The following LCORL variants were observed in gnomAD, a reference collection of about 807,000 sequenced individuals.
The protein encoded by LCORL is ligand-dependent nuclear receptor corepressor-like protein.
Under a neutral mutation model 141.8 loss-of-function variants are expected in LCORL, and 41 were observed. The observed-to-expected ratio is 0.29, with a 90% CI of 0.23 to 0.38. The LOEUF (loss-of-function observed/expected upper bound fraction) is 0.38. Ranked by LOEUF, LCORL falls within the 10% of genes least tolerant of loss-of-function variation. LCORL has a pLI of 1.00. For missense variants in LCORL, 1,759 were observed against 2,035.0 expected, an observed-to-expected ratio of 0.86 and a Z score of 2.61; for synonymous variants, 618 against 694.1, an observed-to-expected ratio of 0.89 and a Z score of 1.72.
intron 5 of LCORL, among the ~76,000 whole-genome samples, chr4:17,887,909 C>T (rs1728517229): frequency 6.6e-6 from 1 of 152,016 alleles, no homozygotes; most frequent in African/African-American, 2.4e-5. Context: ...CCTCCTGACC[C>T]CCGCCTCACC....
Position 17,995,205 on chromosome 4 carries a change from A to ATT in LCORL, c.155-22322_155-22321dup, listed in dbSNP as rs10602340. ...GGTAACCACTACCTTTCTTTTAAGC[A>ATT]TTTTTTTTTTTTTTTTACTATTCTG... On this transcript the variant is annotated intron_variant, in intron 1 of 7. Transcript: ENST00000635767. Among the ~76,000 whole-genome samples, 378 of 134,632 alleles carry ATT rather than the reference A, an allele frequency of 2.8e-3. 3 individuals are homozygous for ATT. The highest frequency in any genetic ancestry group is 8.6e-3 in the African/African-American group (328 of 38,048). The allele number at this position is 134,632 out of a possible 152,430, so 88.3% of individuals were successfully genotyped here.
intron 5 of LCORL, among the ~76,000 whole-genome samples, chr4:17,890,419 A>G (rs143953333): frequency 3.3e-5 from 5 of 152,218 alleles, no homozygotes; most frequent in African/African-American, 1.2e-4. Context: ...AAACAAAAAG[A>G]TCTAAAAGGA....
intron 1 of LCORL, among the ~76,000 whole-genome samples, chr4:18,000,037 AT>A (rs1721662033): frequency 6.6e-6 from 1 of 152,110 alleles, no homozygotes; most frequent in Admixed American, 6.5e-5. Flanking sequence ...ACAATAACAC[AT>A]TTTAAGGTAA....
rs144386689 is a variant in LCORL at position 18,012,545 on chromosome 4, C to T, written c.154+9053G>A. ...ATTATACCCCCAAGCAATGGTCACA[C>T]GTAGGACTCAAGATAAATGATGACT... On this transcript the variant is annotated intron_variant, in intron 1 of 7. Coordinates refer to ENST00000635767, the Ensembl canonical transcript of LCORL. 2.2e-3 allele frequency among the ~76,000 whole-genome samples: 330 copies of T among 152,182 alleles called. 1 individual carries two copies. The highest frequency in any genetic ancestry group is 7.1e-3 in the African/African-American group (294 of 41,506).
intron 7 of LCORL, among the ~76,000 whole-genome samples, chr4:17,868,831 T>G (rs1180472744): frequency 6.6e-6 from 1 of 152,136 alleles, no homozygotes; most frequent in Admixed American, 6.5e-5. Flanking sequence ...GGCCCACCTT[T>G]CTCCAGGCTT....
At chr4:17,939,031 T>C (rs917483405) in intron 4 of LCORL, among the ~76,000 whole-genome samples, 1 of 152,182 alleles carries the variant, frequency 6.6e-6, no homozygotes, top group African/African-American at 2.4e-5. Flanking sequence ...ACATTAGTAA[T>C]TATCTGACAA....
chr4:18,003,737 T>TC (rs1290111066), intron 1 of LCORL, among the ~76,000 whole-genome samples: 6 of 152,214 alleles, frequency 3.9e-5, no homozygotes, highest in Non-Finnish European at 5.9e-5. Context: ...GCTACAGGGA[T>TC]CTAAGACCTA....
chr4:17,951,250 G>A (rs559509474), intron 4 of LCORL, among the ~76,000 whole-genome samples: 1 of 152,022 alleles, frequency 6.6e-6, no homozygotes, highest in Admixed American at 6.5e-5. Context: ...ACATTATTTC[G>A]TTATTTGTTT....
At position 18,021,647 on chromosome 4, in the gene LCORL, T is replaced by G. The variant is rs756009488; in HGVS notation, c.105A>C (p.Gly35=). Residue 35 remains glycine (G), a synonymous_variant, in exon 1 of 8, where the codon GGA becomes GGC. Transcript: ENST00000635767. The surrounding 1 kb of genome is among the most constrained non-coding windows in gnomAD (Gnocchi z 5.5). ...GCCAAGAGTCGAGTTCCCGCCGGAATCCTCTTCTCTCCGCCGCGCACCGAG... is the reference window on the plus strand; with the variant it reads ...GCCAAGAGTCGAGTTCCCGCCGGAAGCCTCTTCTCTCCGCCGCGCACCGAG... The G allele has an allele frequency of 1.3e-6, 2 of 1,545,420 alleles. No homozygotes were observed. Among genetic ancestry groups the G allele is most frequent in the South Asian group, 2.4e-5 (2 of 83,920 alleles).
rs1290598213 is a variant in LCORL, at chr4:18,021,796, G to A, written c.-45C>T. On this transcript the variant is annotated 5_prime_UTR_variant, in exon 1 of 8. Coordinates refer to ENST00000635767, the Ensembl canonical transcript of LCORL. The surrounding 1 kb of genome is among the most constrained non-coding windows in gnomAD (Gnocchi z 5.5). ...CCCTCATTTACATACGAGCAGCGCA[G>A]GCACGAGGCAGGGGCGCGAGCCCTC... The A allele has an allele frequency of 3.5e-6, 5 of 1,439,962 alleles. No individual in the cohort carries two copies. The highest frequency in any genetic ancestry group is 2.5e-4 in the Middle Eastern group (1 of 4,002). The allele number at this position is 1,439,962 out of a possible 1,614,324, so 89.2% of individuals were successfully genotyped here.
At chr4:17,933,399 C>G (rs968287336) in intron 4 of LCORL, among the ~76,000 whole-genome samples, 1 of 152,016 alleles carries the variant, frequency 6.6e-6, no homozygotes, top group African/African-American at 2.4e-5. Flanking sequence ...CATTTTCATT[C>G]TCTTAGCCAT....
In LCORL at chr4:17,913,444, G is replaced by C. The variant is rs531279820; in HGVS notation, c.431-4099C>G. 9.4e-4 allele frequency among the ~76,000 whole-genome samples: 143 copies of C among 152,342 alleles called. 2 individuals carry two copies. The highest frequency in any genetic ancestry group is 4.4e-5 in the Non-Finnish European group (3 of 68,038). ...ACAATTAAAGCAATGGCTACCAAGA[G>C]GTGGAAGTGGTCAAGTCAAAGCCAA... On this transcript the variant is annotated intron_variant, in intron 4 of 7. Coordinates refer to ENST00000635767, the Ensembl canonical transcript of LCORL.
At chr4:17,928,912 T>A (rs1014815919) in intron 4 of LCORL, among the ~76,000 whole-genome samples, 1 of 151,910 alleles carries the variant, frequency 6.6e-6, no homozygotes, top group African/African-American at 2.4e-5. Flanking sequence ...GGAATCTGTA[T>A]ACAAACAAAC....
At chr4:17,971,181 A>G (rs1385578021) in intron 2 of LCORL, among the ~76,000 whole-genome samples, 1 of 152,124 alleles carries the variant, frequency 6.6e-6, no homozygotes, top group Non-Finnish European at 1.5e-5. Context: ...AAAGGAAACC[A>G]TAACTATCCA....
chr4:17,952,745 G>A lies in LCORL; in HGVS notation c.430+9158C>T, dbSNP rs60525677. On this transcript the variant is annotated intron_variant, in intron 4 of 7. Coordinates refer to ENST00000635767, the Ensembl canonical transcript of LCORL. The stretch of plus-strand genomic sequence containing the variant: ...CAATTTTTTAAAACTTTTATTTTAC[G>A]TTCAGGGGTACCTGTGCATGTCTGT... 3.4e-3 allele frequency among the ~76,000 whole-genome samples: 520 copies of A among 152,034 alleles called. 4 individuals carry two copies. The highest frequency in any genetic ancestry group is 0.012 in the African/African-American group (479 of 41,504).
chr4:17,921,008 G>C (rs543098466), intron 4 of LCORL, among the ~76,000 whole-genome samples: 1 of 152,180 alleles, frequency 6.6e-6, no homozygotes, highest in Admixed American at 6.5e-5. Flanking sequence ...CCATGAATCA[G>C]TAATGTTCTT....
chr4:17,916,899 C>A (rs1417053361), intron 4 of LCORL, among the ~76,000 whole-genome samples: 1 of 152,046 alleles, frequency 6.6e-6, no homozygotes, highest in East Asian at 1.9e-4. Context: ...CCTGCCTTGG[C>A]CTCACAAAGT....
chr4:17,951,457 T>TG (rs1388925767), intron 4 of LCORL, among the ~76,000 whole-genome samples: 4 of 152,196 alleles, frequency 2.6e-5, no homozygotes, highest in Admixed American at 2.6e-4. Context: ...TTTCTCAAAA[T>TG]TGTTATTATT....
At chr4:17,981,209 G>A (rs1203165892) in intron 1 of LCORL, among the ~76,000 whole-genome samples, 2 of 152,104 alleles carry the variant, frequency 1.3e-5, no homozygotes, top group African/African-American at 2.4e-5. Context: ...AGTTTCTACT[G>A]AGTAGAAATC....
Sources: allele counts gnomAD v4.1 joint callset (sites outside exome capture counted in the v4.1 genomes callset), GRCh38; gene constraint gnomAD v4.1.1; non-coding constraint Gnocchi (gnomAD v3.1); transcripts MANE v1.5; gene names NCBI Gene and HGNC (gene_info 2026-07-23, HGNC 2026-07-21).